XRRA1: variants seen among roughly 807,000 people sequenced by gnomAD.
The protein encoded by XRRA1 is X-ray radiation resistance-associated protein 1.
In XRRA1, 69 loss-of-function variants were observed where a neutral mutation model predicts 80.2. The observed-to-expected ratio is 0.86, with a 90% CI of 0.71 to 1.05. The LOEUF is 1.05. Among genes scored for constraint, XRRA1 ranks in the 50% least tolerant of loss-of-function variants. XRRA1 has a pLI of 0.00. For synonymous variants in XRRA1, 348 were observed against 389.9 expected (o/e 0.89, Z 1.27); for missense variants, 967 against 976.4 (o/e 0.99, Z 0.13).
intron 4 of XRRA1, among the ~76,000 whole-genome samples, chr11:74,935,048 G>A (rs1356811942): frequency 1.3e-5 from 2 of 152,228 alleles, no homozygotes; most frequent in East Asian, 3.9e-4. Flanking sequence ...CGTGATCTGT[G>A]TAAACCAATC....
intron 8 of XRRA1, among the ~76,000 whole-genome samples, chr11:74,916,974 C>T (rs1938926776): frequency 6.6e-6 from 1 of 151,996 alleles, no homozygotes; most frequent in South Asian, 2.1e-4. Context: ...TTTGAATGTC[C>T]TAGACTTTAA....
rs778915596 is a variant in XRRA1 at position 74,921,312 on chromosome 11, C to A, written c.558G>T (p.Glu186Asp). 35 of 1,613,856 alleles carry A rather than the reference C, an allele frequency of 2.2e-5. No homozygotes were observed. Among genetic ancestry groups the A allele is most frequent in the Non-Finnish European group, 3.0e-5 (35 of 1,179,866 alleles). Residue 186 changes from glutamate to aspartate, a missense_variant, in exon 8 of 19, where the codon GAG (glutamate) becomes GAT (aspartate). By Grantham distance (45) the Glu-to-Asp change is conservative (BLOSUM62 2). Transcript: ENST00000684022. ...GCAGAATCCCCAAATCACAGATGGC[C>A]TCCACAGTCAGGCTGTTGAAGGAAA... Reference protein sequence around the residue: ...LDLSFNSLTVEAICDLGILPH... With the variant: ...LDLSFNSLTVDAICDLGILPH...
chr11:74,842,173 G>A lies in XRRA1; in HGVS notation c.*1027C>T, dbSNP rs2036659573. On this transcript the variant is annotated 3_prime_UTR_variant, in exon 19 of 19. Coordinates refer to ENST00000684022, the MANE Select transcript of XRRA1 (RefSeq NM_001378157.1). ...TGGAGAAGGTACCTGGATCCTTGTG[G>A]ACTGCCACTGCTGGCTGCCTCCTCT... is the stretch of plus-strand genomic sequence containing the variant. 1 of 152,184 alleles carries A rather than the reference G, an allele frequency of 6.6e-6. No homozygotes were observed. Among genetic ancestry groups the A allele is most frequent in the Admixed American group, 6.5e-5 (1 of 15,280 alleles). The allele number at this position is 152,184 out of a possible 1,614,324, so 9.4% of individuals were successfully genotyped here.
intron 10 of XRRA1, among the ~76,000 whole-genome samples, chr11:74,884,126 T>C (rs887789346): frequency 1.3e-5 from 2 of 152,036 alleles, no homozygotes; most frequent in African/African-American, 4.8e-5. Flanking sequence ...TTGAACCCAC[T>C]GCACTCCATC....
chr11:74,844,212 T>C lies in XRRA1; in HGVS notation c.1999A>G (p.Lys667Glu), dbSNP rs751381819. The C allele has an allele frequency of 6.2e-7, 1 of 1,613,876 alleles. No individual in the cohort carries two copies. Among genetic ancestry groups the C allele is most frequent in the South Asian group, 1.1e-5 (1 of 91,080 alleles). Residue 667 changes from lysine (K) to glutamate (E), a missense_variant, in exon 17 of 19, where the codon AAG becomes GAG. By Grantham distance (56) the Lys-to-Glu change is moderately conservative (BLOSUM62 1). Coordinates refer to ENST00000684022, the MANE Select transcript of XRRA1 (RefSeq NM_001378157.1). ...HPLLCHSSKP[K>E]LDTLQKPYVH... ...TAGGGTTTCTGAAGAGTGTCCAGCT[T>C]GGGCTTGGAGGAGTGGCACAGGAGT...
intron 10 of XRRA1, among the ~76,000 whole-genome samples, chr11:74,884,849 C>CTAATATCACAACTAGA (rs2048634854): frequency 2.0e-5 from 3 of 152,102 alleles, no homozygotes; most frequent in Non-Finnish European, 2.9e-5. Context: ...AATTAACAAC[C>CTAATATCACAACTAGA]TAATATCACA....
chr11:74,875,838 T>C (rs564586663), intron 10 of XRRA1, among the ~76,000 whole-genome samples: 8 of 152,244 alleles, frequency 5.3e-5, no homozygotes, highest in African/African-American at 7.2e-5. Context: ...ACCACTACAC[T>C]GAAGCCTGAG....
intron 12 of XRRA1, among the ~76,000 whole-genome samples, chr11:74,858,033 T>C (rs543414630): frequency 1.3e-5 from 2 of 152,338 alleles, no homozygotes; most frequent in South Asian, 4.1e-4. Context: ...ACTAAAGTTA[T>C]ACTGCCTAAG....
chr11:74,929,458 A>C (rs1007468009), intron 6 of XRRA1, among the ~76,000 whole-genome samples: 4 of 139,552 alleles, frequency 2.9e-5, no homozygotes, highest in African/African-American at 9.9e-5. Context: ...TTCTCTATTT[A>C]AAACCCTTCC....
At chr11:74,858,848 G>A (rs2041705120) in intron 12 of XRRA1, among the ~76,000 whole-genome samples, 1 of 152,136 alleles carries the variant, frequency 6.6e-6, no homozygotes, top group Non-Finnish European at 1.5e-5. Context: ...GTCCATATCA[G>A]TCTTCCTGTC....
chr11:74,920,304 C>G (rs1203416576), intron 8 of XRRA1, among the ~76,000 whole-genome samples: 1 of 152,176 alleles, frequency 6.6e-6, no homozygotes, highest in Non-Finnish European at 1.5e-5. Context: ...AATAAATGAT[C>G]ACTACTATTA....
At chr11:74,888,358 G>A (rs2049635880) in intron 10 of XRRA1, among the ~76,000 whole-genome samples, 1 of 152,160 alleles carries the variant, frequency 6.6e-6, no homozygotes, top group Non-Finnish European at 1.5e-5. Flanking sequence ...TGCAGCTTAG[G>A]GTCCTGACTG....
chr11:74,876,694 A>C (rs1052183927), intron 10 of XRRA1: 2 of 152,232 alleles, frequency 1.3e-5, no homozygotes, highest in African/African-American at 4.8e-5. Flanking sequence ...GAAACCTGAG[A>C]GAGAGAGCAA....
intron 10 of XRRA1, among the ~76,000 whole-genome samples, chr11:74,892,528 T>C (rs1356430793): frequency 3.3e-5 from 5 of 152,090 alleles, no homozygotes; most frequent in Admixed American, 2.6e-4. Context: ...CCAAAAGCAA[T>C]GGCAACAAAA....
chr11:74,872,793 TGAA>T (rs2136286826), intron 10 of XRRA1, among the ~76,000 whole-genome samples: 1 of 152,226 alleles, frequency 6.6e-6, no homozygotes, highest in South Asian at 2.1e-4. Context: ...TTCTGAAAAT[TGAA>T]GGAAGGAAGG....
chr11:74,863,153 C>A (rs1470232807), intron 10 of XRRA1, 132 bp from the exon 11 acceptor site: 1 of 805,952 alleles, frequency 1.2e-6, no homozygotes, highest in Non-Finnish European at 2.1e-6. Context: ...TGGTCCTCAG[C>A]CCCAGTGCTA....
intron 6 of XRRA1, 137 bp downstream of exon 6, chr11:74,930,163 C>A: frequency 1.3e-6 from 1 of 754,962 alleles, no homozygotes; most frequent in South Asian, 1.6e-5. Context: ...TTTGTGCTCT[C>A]CAGCACCCAG....
chr11:74,898,825 C>T (rs1452335427), intron 10 of XRRA1, among the ~76,000 whole-genome samples: 1 of 152,080 alleles, frequency 6.6e-6, no homozygotes, highest in South Asian at 2.1e-4. Context: ...CTTCAACACC[C>T]CACTTTCAGC....
chr11:74,855,370 A>C (rs903996589), intron 12 of XRRA1, among the ~76,000 whole-genome samples: 2 of 152,244 alleles, frequency 1.3e-5, no homozygotes, highest in Non-Finnish European at 2.9e-5. Flanking sequence ...AGGTGATTAA[A>C]AAGTTGAAGA....
Sources: gnomAD v4.1 joint callset for allele counts (sites outside exome capture counted in the v4.1 genomes callset) on GRCh38, gnomAD v4.1.1 for gene constraint, MANE v1.5 for transcripts, NCBI Gene and HGNC (gene_info 2026-07-23, HGNC 2026-07-21) for gene names.